Variants in EXOC4 observed in about 807,000 individuals in gnomAD.
EXOC4 encodes the protein SEC8-like 1.
In EXOC4, 71 loss-of-function variants were observed where a neutral mutation model predicts 107.2. The observed-to-expected ratio is 0.66, with a 90% CI of 0.55 to 0.81. The LOEUF is 0.81. Ranked by LOEUF, EXOC4 falls within the 30% of genes least tolerant of loss-of-function variation. The pLI is 0.00. For synonymous variants in EXOC4, 456 were observed against 441.2 expected, an observed-to-expected ratio of 1.03 and a Z score of -0.42; for missense variants, 1,108 against 1,189.6, an observed-to-expected ratio of 0.93 and a Z score of 1.01.
chr7:133,854,550 T>G (rs1798309067), intron 11 of EXOC4, among the ~76,000 whole-genome samples: 1 of 152,004 alleles, frequency 6.6e-6, no homozygotes, highest in Non-Finnish European at 1.5e-5. Flanking sequence ...TCGTTGCTGA[T>G]AAAAACTGGC....
intron 17 of EXOC4, among the ~76,000 whole-genome samples, chr7:134,025,422 A>G (rs1018918670): frequency 6.6e-6 from 1 of 152,230 alleles, no homozygotes; most frequent in Admixed American, 6.5e-5. Context: ...GTTTCCCATA[A>G]ATCATCCCAA....
At chr7:133,562,596 T>G (rs1800830670) in intron 9 of EXOC4, among the ~76,000 whole-genome samples, 1 of 152,196 alleles carries the variant, frequency 6.6e-6, no homozygotes, top group Non-Finnish European at 1.5e-5. Context: ...TTCACAAGTG[T>G]GTGAAGACCT....
chr7:133,970,184 C>A (rs529014980), intron 14 of EXOC4, among the ~76,000 whole-genome samples: 6 of 151,978 alleles, frequency 3.9e-5, no homozygotes, highest in African/African-American at 1.4e-4. Flanking sequence ...AAATGGCAGA[C>A]ACCCCTCCCC....
chr7:133,911,250 CT>C (rs1202689570), intron 12 of EXOC4, among the ~76,000 whole-genome samples: 1 of 152,176 alleles, frequency 6.6e-6, no homozygotes, highest in African/African-American at 2.4e-5. Flanking sequence ...ACATGTAGCT[CT>C]CCTTTTTTGA....
At chr7:134,045,719 T>A (rs1328534272) in intron 17 of EXOC4, among the ~76,000 whole-genome samples, 1 of 152,152 alleles carries the variant, frequency 6.6e-6, no homozygotes, top group Non-Finnish European at 1.5e-5. Flanking sequence ...CCAGCTAGTT[T>A]TGGAACATTT....
chr7:133,485,476 G>A (rs1799251991), intron 9 of EXOC4, among the ~76,000 whole-genome samples: 1 of 152,008 alleles, frequency 6.6e-6, no homozygotes, highest in African/African-American at 2.4e-5. Context: ...CAGTGCCCGA[G>A]CACAGCTGAC....
chr7:133,945,349 A>G (rs144547871), intron 14 of EXOC4, among the ~76,000 whole-genome samples: 38 of 152,304 alleles, frequency 2.5e-4, no homozygotes, highest in African/African-American at 5.5e-4. Context: ...GTCACTCTCT[A>G]TATTTGGGAA....
At chr7:133,899,980 G>T (rs1455047132) in intron 12 of EXOC4, among the ~76,000 whole-genome samples, 2 of 151,816 alleles carry the variant, frequency 1.3e-5, no homozygotes, top group Non-Finnish European at 2.9e-5. Flanking sequence ...CGAATTCCTG[G>T]CCTCAAGCGA....
At chr7:134,091,111 C>T in the EXOC4 span, among the ~76,000 whole-genome samples, 1 of 151,986 alleles carries the variant, frequency 6.6e-6, no homozygotes, top group African/African-American at 2.4e-5. Context: ...ATCCAGACCC[C>T]AAGAGAAGGT....
chr7:133,313,527 A>G (rs1794923702), intron 4 of EXOC4, among the ~76,000 whole-genome samples: 1 of 152,214 alleles, frequency 6.6e-6, no homozygotes, highest in Non-Finnish European at 1.5e-5. Flanking sequence ...CACCTCTGTC[A>G]GTTTTTAGTT....
At chr7:133,852,919 C>CA (rs370436142) in intron 11 of EXOC4, among the ~76,000 whole-genome samples, 2 of 152,044 alleles carry the variant, frequency 1.3e-5, no homozygotes, top group Non-Finnish European at 2.9e-5. Flanking sequence ...CAAAGAGTAA[C>CA]AAAAAACAAA....
chr7:133,594,915 A>C (rs1169865533), intron 9 of EXOC4, among the ~76,000 whole-genome samples: 1 of 152,180 alleles, frequency 6.6e-6, no homozygotes, highest in Non-Finnish European at 1.5e-5. Flanking sequence ...AGTTGAGGGG[A>C]CAGAGTAATG....
intron 6 of EXOC4, among the ~76,000 whole-genome samples, chr7:133,361,563 T>A (rs1796137562): frequency 6.6e-6 from 1 of 152,216 alleles, no homozygotes; most frequent in South Asian, 2.1e-4. Flanking sequence ...ATTTTAACTG[T>A]TGCCAACTGT....
chr7:134,073,205 C>CAAAAAAAAAAAAAAA, the EXOC4 span, among the ~76,000 whole-genome samples: 9 of 22,592 alleles, frequency 4.0e-4, no homozygotes, highest in African/African-American at 1.3e-3. Context: ...GACTTCCTCT[C>CAAAAAAAAAAAAAAA]AAAAAAAAAA....
At chr7:133,759,429 T>G (rs1490805474) in intron 10 of EXOC4, among the ~76,000 whole-genome samples, 1 of 152,250 alleles carries the variant, frequency 6.6e-6, no homozygotes, top group East Asian at 1.9e-4. Context: ...AGTACATAGC[T>G]GCACTGTGTC....
chr7:133,899,077 C>T (rs1445942724), intron 12 of EXOC4, among the ~76,000 whole-genome samples: 3 of 150,432 alleles, frequency 2.0e-5, no homozygotes, highest in African/African-American at 7.3e-5. Flanking sequence ...TATGTTGAAC[C>T]TCCATTAAAT....
chr7:133,915,385 A>G (rs961827093), intron 12 of EXOC4, among the ~76,000 whole-genome samples: 6 of 152,222 alleles, frequency 3.9e-5, no homozygotes, highest in Non-Finnish European at 8.8e-5. Context: ...ATTACTGGAA[A>G]TTAATGAGGA....
rs188093400 is a variant in EXOC4, at chr7:134,060,061, A to G, written c.2688-4230A>G. 5.3e-5 allele frequency among the ~76,000 whole-genome samples: 8 copies of G among 152,336 alleles called. No homozygotes were observed. The East Asian group carries it at 1.5e-3, about 29-fold the overall frequency. On this transcript the variant is annotated intron_variant, in intron 17 of 17. Transcript: ENST00000253861. ...GCCACAGAGAACAGTCTGTTGATAAAGCAAACATGAGGAAGATAAGAGAAA... is the reference window on the plus strand; with the variant it reads ...GCCACAGAGAACAGTCTGTTGATAAGGCAAACATGAGGAAGATAAGAGAAA...
chr7:133,547,591 G>C (rs189078110), intron 9 of EXOC4, among the ~76,000 whole-genome samples: 15 of 152,262 alleles, frequency 9.9e-5, no homozygotes, highest in African/African-American at 3.6e-4. Context: ...CGCTGTCACT[G>C]CTTTATCAAT....
Sources: allele counts gnomAD v4.1 joint callset (sites outside exome capture counted in the v4.1 genomes callset), GRCh38; gene constraint gnomAD v4.1.1; transcripts MANE v1.5; gene names NCBI Gene and HGNC (gene_info 2026-07-23, HGNC 2026-07-21).